Variants in TULP4 observed in about 807,000 individuals in gnomAD.
The protein encoded by TULP4 is tubby-related protein 4.
TULP4 carries 16 observed loss-of-function variants against 129.0 expected under a neutral mutation model. The observed-to-expected ratio is 0.12, with a 90% CI of 0.08 to 0.19. The LOEUF (loss-of-function observed/expected upper bound fraction) is 0.19, where lower values mean the gene tolerates loss of function less well. TULP4 is among the 10% of genes least tolerant of loss of function. The pLI, the probability that TULP4 is intolerant of heterozygous loss-of-function variation, is 1.00. For synonymous variants in TULP4, 998 were observed against 854.0 expected, an observed-to-expected ratio of 1.17 and a Z score of -2.94; for missense variants, 1,842 against 2,059.1, an observed-to-expected ratio of 0.89 and a Z score of 2.04.
intron 1 of TULP4, among the ~76,000 whole-genome samples, chr6:158,370,422 A>C (rs1009401978): frequency 3.8e-5 from 5 of 130,210 alleles, no homozygotes; most frequent in African/African-American, 1.5e-4. Context: ...GTGCCATTGC[A>C]CTCCAGCCTG....
At chr6:158,264,084 A>G (rs1778401769) in intron 1 of TULP4, among the ~76,000 whole-genome samples, 1 of 152,140 alleles carries the variant, frequency 6.6e-6, no homozygotes, top group Non-Finnish European at 1.5e-5. Flanking sequence ...AACAAAACAA[A>G]AAGCCAGAAT....
chr6:158,491,282 G>T (rs1201384121), intron 9 of TULP4, among the ~76,000 whole-genome samples: 1 of 152,140 alleles, frequency 6.6e-6, no homozygotes, highest in Admixed American at 6.5e-5. Flanking sequence ...GATGGATGCT[G>T]CTTCGTTTGC....
intron 1 of TULP4, among the ~76,000 whole-genome samples, chr6:158,292,265 C>T (rs971758466): frequency 2.6e-5 from 4 of 152,178 alleles, no homozygotes; most frequent in Non-Finnish European, 4.4e-5. Context: ...TCTGGTTAGT[C>T]CAGGACTGAG....
At chr6:158,422,854 C>T (rs1178818958) in intron 2 of TULP4, among the ~76,000 whole-genome samples, 1 of 152,238 alleles carries the variant, frequency 6.6e-6, no homozygotes, top group African/African-American at 2.4e-5. Context: ...AAGGATGTTC[C>T]ACACACGTGG....
chr6:158,437,695 T>G (rs1165978452), intron 3 of TULP4: 3 of 152,254 alleles, frequency 2.0e-5, no homozygotes, highest in Non-Finnish European at 4.4e-5. Flanking sequence ...TTGAAAAGAA[T>G]AATTCATTCA....
In TULP4 at chr6:158,503,513, C is replaced by T. The variant is rs757112669; in HGVS notation, c.3850C>T (p.His1284Tyr). 4.3e-6 allele frequency: 7 copies of T among 1,614,016 alleles called. No homozygotes were observed. The highest frequency in any genetic ancestry group is 5.9e-6 in the Non-Finnish European group (7 of 1,180,020). ...NPQGTLPPKP[H>Y]LVVEKPLVSP... Reference sequence around the variant, plus strand: ...CCAGGGCACTCTCCCCCCAAAGCCACACTTGGTGGTGGAGAAGCCCCTTGT... The same window carrying T: ...CCAGGGCACTCTCCCCCCAAAGCCATACTTGGTGGTGGAGAAGCCCCTTGT... Residue 1284 changes from histidine (H) to tyrosine (Y), a missense_variant, in exon 13 of 14, where the codon CAC becomes TAC. His to Tyr is a moderately conservative substitution (Grantham distance 83, BLOSUM62 2). This residue lies in a region of TULP4 where 1,089 missense variants were observed against 987.1 expected (regional missense o/e 1.10). Transcript: ENST00000367097. The surrounding 1 kb of genome is among the most constrained non-coding windows in gnomAD (Gnocchi z 4.3).
chr6:158,418,877 A>C (rs549868978), intron 2 of TULP4, among the ~76,000 whole-genome samples: 48 of 152,324 alleles, frequency 3.2e-4, no homozygotes, highest in African/African-American at 1.1e-3. Flanking sequence ...TTTACTGGCT[A>C]TGTGTTTTGG....
intron 3 of TULP4, 134 bp downstream of exon 3, chr6:158,430,031 C>T (rs1355122938): frequency 1.3e-5 from 11 of 841,604 alleles, no homozygotes; most frequent in Admixed American, 9.9e-5. Context: ...TAAAACTGTC[C>T]AGGTAAAAAT....
chr6:158,267,719 C>T (rs1181513645), intron 1 of TULP4, among the ~76,000 whole-genome samples: 3 of 152,162 alleles, frequency 2.0e-5, no homozygotes, highest in Non-Finnish European at 4.4e-5. Context: ...CTATTTTGCT[C>T]CCGTGTGGAT....
At chr6:158,488,898 C>T (rs938599916) in intron 8 of TULP4, among the ~76,000 whole-genome samples, 2 of 152,038 alleles carry the variant, frequency 1.3e-5, no homozygotes, top group Non-Finnish European at 2.9e-5. Context: ...CTTTGCCCCA[C>T]AGTTTTGCCA....
At chr6:158,242,175 A>G in intron 1 of TULP4, 8 of 1,194,878 alleles carry the variant, frequency 6.7e-6, no homozygotes, top group East Asian at 2.3e-5. Context: ...GGTCTTCCTC[A>G]GTCTCATCAG....
At chr6:158,328,136 G>GTGTGTGTGTGT (rs1554280513) in intron 1 of TULP4, among the ~76,000 whole-genome samples, 9 of 109,256 alleles carry the variant, frequency 8.2e-5, no homozygotes, top group South Asian at 6.2e-4. Context: ...GTGCGTGCGT[G>GTGTGTGTGTGT]CTGGGAAAGA....
chr6:158,243,342 C>G (rs1318054125), intron 1 of TULP4, among the ~76,000 whole-genome samples: 1 of 151,856 alleles, frequency 6.6e-6, no homozygotes, highest in East Asian at 1.9e-4. Flanking sequence ...AAAATTTTTT[C>G]TTAGTATCAT....
intron 1 of TULP4, among the ~76,000 whole-genome samples, chr6:158,378,777 G>A (rs531047254): frequency 1.9e-4 from 27 of 144,528 alleles, no homozygotes; most frequent in Admixed American, 8.8e-4. Flanking sequence ...GCGCTACCGC[G>A]CCTGGCCAGG....
At chr6:158,257,073 G>A (rs1373768295) in intron 1 of TULP4, among the ~76,000 whole-genome samples, 1 of 152,174 alleles carries the variant, frequency 6.6e-6, no homozygotes, top group African/African-American at 2.4e-5. Context: ...TTAAGACCGT[G>A]CTGATCAGGC....
chr6:158,280,597 A>G (rs1318280613), upstream of TULP4, among the ~76,000 whole-genome samples: 1 of 152,274 alleles, frequency 6.6e-6, no homozygotes, highest in Non-Finnish European at 1.5e-5. Flanking sequence ...GTGTCTGTGC[A>G]GCTGTCTAAC....
intron 1 of TULP4, among the ~76,000 whole-genome samples, chr6:158,238,875 C>A (rs1265039397): frequency 1.0e-5 from 1 of 98,876 alleles, no homozygotes; most frequent in East Asian, 3.4e-4. Flanking sequence ...CTTTTCCCCA[C>A]CTTTCCCGCC....
chr6:158,319,857 T>C (rs899033864), intron 1 of TULP4, among the ~76,000 whole-genome samples: 5 of 152,196 alleles, frequency 3.3e-5, no homozygotes, highest in African/African-American at 1.2e-4. Flanking sequence ...GTTAAACATA[T>C]AGTAGAGGAA....
At chr6:158,496,263 A>G (rs998612482) in intron 11 of TULP4, among the ~76,000 whole-genome samples, 5 of 152,246 alleles carry the variant, frequency 3.3e-5, no homozygotes, top group Non-Finnish European at 5.9e-5. Flanking sequence ...GCTGTGCGTA[A>G]CCTACTAAAA....
Sources: gnomAD v4.1 joint callset for allele counts (sites outside exome capture counted in the v4.1 genomes callset) on GRCh38, gnomAD v4.1.1 for gene constraint, gnomAD v4.1.1 regional missense constraint, Gnocchi (gnomAD v3.1) non-coding constraint, MANE v1.5 for transcripts, NCBI Gene and HGNC (gene_info 2026-07-23, HGNC 2026-07-21) for gene names.